Variants in VBP1 observed in about 807,000 individuals in gnomAD.
VBP1 encodes VHL binding protein 1.
Under a neutral mutation model 15.5 loss-of-function variants are expected in VBP1, and 4 were observed. The observed-to-expected ratio is 0.26, with a 90% CI of 0.13 to 0.59. The LOEUF (loss-of-function observed/expected upper bound fraction) is 0.59, where lower values mean the gene tolerates loss of function less well. Among genes scored for constraint, VBP1 ranks in the 20% least tolerant of loss-of-function variants. The probability of loss-of-function intolerance (pLI) is 0.90; values close to 1 mark genes in which losing one functional copy is unlikely to be tolerated. For synonymous variants in VBP1, 61 were observed against 52.1 expected, an observed-to-expected ratio of 1.17 and a Z score of -0.74; for missense variants, 108 against 139.6, an observed-to-expected ratio of 0.77 and a Z score of 1.14.
At chrX:155,231,733 T>C (rs934831816) in intron 4 of VBP1, among the ~76,000 whole-genome samples, 1 of 112,534 alleles carries the variant, frequency 8.9e-6, no homozygotes, top group Non-Finnish European at 1.9e-5. Flanking sequence ...TATTGTATAT[T>C]GTTCAGCACA....
chrX:155,238,815 G>A lies in VBP1; in HGVS notation c.567G>A (p.Lys189=). Residue 189 remains lysine, a synonymous_variant, in exon 6 of 6, where the codon AAG becomes AAA. Coordinates refer to ENST00000286428, the MANE Select transcript of VBP1 (RefSeq NM_003372.7). ...ATTGGGATGTAAAAAGAAGAAACAA[G>A]GATGACTCTACCAAGAACAAAGCAT... is the stretch of plus-strand genomic sequence containing the variant. The part of the protein sequence containing the change: ...VYNWDVKRRN[K]DDSTKNKA The A allele has an allele frequency of 8.3e-7, 1 of 1,205,742 alleles. No homozygotes were observed. The highest frequency in any genetic ancestry group is 1.1e-6 in the Non-Finnish European group (1 of 893,189).
chrX:155,213,217 G>A (rs184633120), upstream of VBP1, among the ~76,000 whole-genome samples: 185 of 111,895 alleles, frequency 1.7e-3, no homozygotes, highest in African/African-American at 5.7e-3. Flanking sequence ...TCAGAAGGTC[G>A]AGCAGAGGCT....
At chrX:155,205,981 TCTTA>T (rs1264735584) in intron 1 of VBP1, among the ~76,000 whole-genome samples, 1 of 112,321 alleles carries the variant, frequency 8.9e-6, no homozygotes, top group Non-Finnish European at 1.9e-5. Context: ...TCTGTCCTTG[TCTTA>T]CTTAGTCCTT....
chrX:155,198,118 G>A (rs938601380), intron 1 of VBP1, among the ~76,000 whole-genome samples: 1 of 112,817 alleles, frequency 8.9e-6, no homozygotes, highest in African/African-American at 3.2e-5. Flanking sequence ...AGCTCGAACT[G>A]GGTGGAGCCC....
chrX:155,207,194 A>G (rs2074629247), intron 1 of VBP1, among the ~76,000 whole-genome samples: 1 of 111,916 alleles, frequency 8.9e-6, no homozygotes, highest in African/African-American at 3.2e-5. Flanking sequence ...TTTCCAAACA[A>G]TGGTGAACAG....
chrX:155,232,942 G>A (rs868924248), intron 4 of VBP1, among the ~76,000 whole-genome samples: 5 of 112,553 alleles, frequency 4.4e-5, no homozygotes, highest in South Asian at 7.3e-4. Flanking sequence ...CATCATAGTC[G>A]AATGGATGAG....
intron 1 of VBP1, among the ~76,000 whole-genome samples, chrX:155,200,988 G>A (rs1206774253): frequency 1.8e-5 from 2 of 111,275 alleles, no homozygotes; most frequent in African/African-American, 3.3e-5. Flanking sequence ...ACACCTCTGC[G>A]CAAATAAACT....
intron 1 of VBP1, among the ~76,000 whole-genome samples, chrX:155,199,276 C>T (rs1360056159): frequency 1.8e-5 from 2 of 109,501 alleles, no homozygotes; most frequent in Non-Finnish European, 3.8e-5. Flanking sequence ...AGATACTCCT[C>T]GAGAAGAGCA....
rs35367656 is a variant in VBP1 at position 155,234,109 on chromosome X, GTTTTTTTTTTTTTT to G, written c.385-2104_385-2091del. 1.2e-3 allele frequency among the ~76,000 whole-genome samples: 35 copies of G among 28,693 alleles called. 1 individual carries two copies. The highest frequency in any genetic ancestry group is 4.5e-3 in the African/African-American group (32 of 7,094). The allele number at this position is 28,693 out of a possible 115,157, so 24.9% of individuals were successfully genotyped here. On this transcript the variant is annotated intron_variant, in intron 4 of 5. Transcript: ENST00000286428. ...GAGTTTTCACTTTAGTTGTTCCTCT[GTTTTTTTTTTTTTT>G]TTTTTTTTTTTTTTTGAGACAGAGT...
intron 1 of VBP1, among the ~76,000 whole-genome samples, chrX:155,208,445 T>C (rs2074633350): frequency 8.9e-6 from 1 of 112,363 alleles, no homozygotes; most frequent in Non-Finnish European, 1.9e-5. Flanking sequence ...AAATCATATG[T>C]TCATACTAAA....
intron 1 of VBP1, among the ~76,000 whole-genome samples, chrX:155,198,849 TA>T (rs1179375672): frequency 2.7e-5 from 3 of 111,607 alleles, no homozygotes; most frequent in Non-Finnish European, 5.7e-5. Context: ...GCAAAGAAGT[TA>T]AAAACTTTGA....
chrX:155,199,411 C>T (rs1220010930), intron 1 of VBP1, among the ~76,000 whole-genome samples: 6 of 111,523 alleles, frequency 5.4e-5, no homozygotes, highest in Admixed American at 3.8e-4. Context: ...GCGGATCTCT[C>T]GGCAGAAACT....
At chrX:155,227,764 G>T (rs1438650825) in intron 3 of VBP1, among the ~76,000 whole-genome samples, 1 of 112,055 alleles carries the variant, frequency 8.9e-6, no homozygotes, top group Admixed American at 9.4e-5. Flanking sequence ...CTCGACCATT[G>T]TCTATGTAGT....
At chrX:155,235,441 GA>G (rs1440685994) in intron 4 of VBP1, among the ~76,000 whole-genome samples, 3 of 111,297 alleles carry the variant, frequency 2.7e-5, no homozygotes, top group Non-Finnish European at 5.7e-5. Context: ...TTGCATTTGT[GA>G]GATGAGGAAA....
upstream of VBP1, chrX:155,216,240 C>A: frequency 1.7e-6 from 1 of 573,760 alleles, no homozygotes; most frequent in Non-Finnish European, 2.6e-6. Flanking sequence ...TGGGTTTTTC[C>A]TGTCGCTCCA....
chrX:155,237,668 T>A (rs1268352680), intron 5 of VBP1, among the ~76,000 whole-genome samples: 1 of 111,849 alleles, frequency 8.9e-6, no homozygotes, highest in East Asian at 2.8e-4. Flanking sequence ...TTCTACACTT[T>A]GTTCCTCCTA....
chrX:155,222,054 GT>G (rs1157846175), intron 2 of VBP1, among the ~76,000 whole-genome samples: 2 of 112,662 alleles, frequency 1.8e-5, no homozygotes, highest in African/African-American at 6.5e-5. Flanking sequence ...CATTTTTCTT[GT>G]TTTTGCTTAG....
At chrX:155,222,735 G>T (rs782322549) in intron 2 of VBP1, among the ~76,000 whole-genome samples, 5 of 112,035 alleles carry the variant, frequency 4.5e-5, no homozygotes, top group Admixed American at 1.9e-4. Flanking sequence ...ATCAGTGAAC[G>T]TTGGTGTTCT....
Position 155,228,491 on chromosome X carries a change from A to T in VBP1, c.384+9A>T, listed in dbSNP as rs1557310495. On this transcript the variant is annotated intron_variant, in intron 4 of 5. Coordinates refer to ENST00000286428, the MANE Select transcript of VBP1 (RefSeq NM_003372.7). ...TGTGTCTGTGGTTGGGGGTAAGTAA[A>T]TGTTATAGCCACAGCTGATATATTT... The T allele has an allele frequency of 3.4e-6, 4 of 1,159,875 alleles. No homozygotes were observed. The highest frequency in any genetic ancestry group is 4.7e-6 in the Non-Finnish European group (4 of 851,832).
Sources: allele counts gnomAD v4.1 joint callset (sites outside exome capture counted in the v4.1 genomes callset), GRCh38; gene constraint gnomAD v4.1.1; transcripts MANE v1.5; gene names NCBI Gene and HGNC (gene_info 2026-07-23, HGNC 2026-07-21).